The following NOL4 variants were observed in gnomAD, a reference collection of about 807,000 sequenced individuals.
NOL4 encodes the protein cancer/testis antigen 125.
NOL4 carries 17 observed loss-of-function variants against 75.9 expected under a neutral mutation model. That is an observed-to-expected ratio of 0.22 (90% CI 0.15 to 0.34). The LOEUF (loss-of-function observed/expected upper bound fraction) is 0.34. Ranked by LOEUF, NOL4 falls within the 10% of genes least tolerant of loss-of-function variation. The pLI is 1.00. For missense variants in NOL4, 614 were observed against 793.5 expected (o/e 0.77, Z 2.72); for synonymous variants, 292 against 289.9 (o/e 1.01, Z -0.07).
At chr18:33,878,885 C>G (rs1025816221) in intron 10 of NOL4, among the ~76,000 whole-genome samples, 2 of 152,082 alleles carry the variant, frequency 1.3e-5, no homozygotes, top group Admixed American at 1.3e-4. Flanking sequence ...CTTTCACTGA[C>G]ACCCACATAA....
At position 33,991,981 on chromosome 18, in the gene NOL4, A is replaced by C. The variant is rs77500454; in HGVS notation, c.1056+27337T>G. On this transcript the variant is annotated intron_variant, in intron 6 of 10. Coordinates refer to ENST00000261592, the MANE Select transcript of NOL4 (RefSeq NM_003787.5). ...ATCTGCAAATAAAATTAATAAAGTTACAGATTCAGAGGTTAATTCCCCCAT... is the reference window on the plus strand; with the variant it reads ...ATCTGCAAATAAAATTAATAAAGTTCCAGATTCAGAGGTTAATTCCCCCAT... Among the ~76,000 whole-genome samples, 1,229 of 152,170 alleles carry C rather than the reference A, an allele frequency of 8.1e-3. 19 individuals are homozygous for C. The highest frequency in any genetic ancestry group is 0.029 in the African/African-American group (1,189 of 41,558).
At chr18:34,052,047 A>T (rs1168948429) in intron 5 of NOL4, among the ~76,000 whole-genome samples, 1 of 152,040 alleles carries the variant, frequency 6.6e-6, no homozygotes, top group Non-Finnish European at 1.5e-5. Flanking sequence ...GTAAAAATCT[A>T]ATGAGGATTA....
chr18:34,027,623 C>T (rs1600304394), intron 5 of NOL4, among the ~76,000 whole-genome samples: 1 of 152,098 alleles, frequency 6.6e-6, no homozygotes, highest in African/African-American at 2.4e-5. Flanking sequence ...ATTTTCATAG[C>T]CCAAAACTTT....
intron 5 of NOL4, among the ~76,000 whole-genome samples, chr18:34,061,405 A>G (rs941699622): frequency 1.3e-5 from 2 of 152,180 alleles, no homozygotes; most frequent in African/African-American, 4.8e-5. Context: ...CTGTTAATCT[A>G]TTATAATACT....
At chr18:34,135,721 A>G (rs2080864640) in intron 1 of NOL4, among the ~76,000 whole-genome samples, 1 of 122,798 alleles carries the variant, frequency 8.1e-6, no homozygotes, top group Non-Finnish European at 1.7e-5. Context: ...AGCTTTTCAC[A>G]CACAGAAGCA....
chr18:33,914,257 G>C (rs1282673482), intron 9 of NOL4, among the ~76,000 whole-genome samples: 1 of 151,970 alleles, frequency 6.6e-6, no homozygotes, highest in Non-Finnish European at 1.5e-5. Context: ...GCTGGGGTGG[G>C]GATAGCATTC....
At chr18:33,865,418 T>C (rs989222579) in intron 10 of NOL4, among the ~76,000 whole-genome samples, 1 of 152,182 alleles carries the variant, frequency 6.6e-6, no homozygotes, top group Non-Finnish European at 1.5e-5. Context: ...TCGATTTTTT[T>C]CCAGTATTTT....
chr18:33,933,452 C>T (rs1357786863), intron 9 of NOL4, among the ~76,000 whole-genome samples: 2 of 152,120 alleles, frequency 1.3e-5, no homozygotes, highest in Non-Finnish European at 2.9e-5. Context: ...AAATATTTCT[C>T]TAAAGTATAC....
chr18:34,184,286 G>C (rs933098524), intron 1 of NOL4, among the ~76,000 whole-genome samples: 1 of 151,746 alleles, frequency 6.6e-6, no homozygotes, highest in Non-Finnish European at 1.5e-5. Context: ...CATAATAACT[G>C]CATATTATGT....
intron 1 of NOL4, among the ~76,000 whole-genome samples, chr18:34,164,443 G>A (rs2032023919): frequency 6.6e-6 from 1 of 152,120 alleles, no homozygotes; most frequent in East Asian, 1.9e-4. Context: ...GACATGAACA[G>A]ACACTTCTCA....
intron 1 of NOL4, among the ~76,000 whole-genome samples, chr18:34,143,864 CAAAAAAAAAA>C (rs754617814): frequency 1.5e-5 from 1 of 65,950 alleles, no homozygotes; most frequent in Non-Finnish European, 3.1e-5. Flanking sequence ...AACTCCATCT[CAAAAAAAAAA>C]AAAAAAAAAA....
chr18:33,906,222 C>T (rs975903956), intron 9 of NOL4, among the ~76,000 whole-genome samples: 1 of 152,156 alleles, frequency 6.6e-6, no homozygotes, highest in African/African-American at 2.4e-5. Context: ...CATGACCCGA[C>T]CAAGGATGGA....
At chr18:33,912,409 T>C (rs2066464547) in intron 9 of NOL4, among the ~76,000 whole-genome samples, 1 of 152,090 alleles carries the variant, frequency 6.6e-6, no homozygotes, top group Non-Finnish European at 1.5e-5. Context: ...TAATATAATA[T>C]AGTTAGAATC....
intron 1 of NOL4, chr18:34,222,588 C>T (rs574599688): frequency 1.8e-4 from 90 of 487,922 alleles, no homozygotes; most frequent in African/African-American, 1.6e-3. Flanking sequence ...GAGCGTGCGG[C>T]CGGGCTTCCA....
intron 6 of NOL4, among the ~76,000 whole-genome samples, chr18:33,973,746 C>T (rs11876791): frequency 0.014 from 2,134 of 152,264 alleles, 51 homozygotes; most frequent in African/African-American, 0.048. Flanking sequence ...TATTTTGAAA[C>T]GAATCTTTTA....
rs938264643 is a variant in NOL4, at chr18:34,214,889, T to A, written c.264+8101A>T. ...ACATGGATGAATCTTAAAGACATTA[T>A]GCTAGTAAAATGAGTCAGTTATAAA... On this transcript the variant is annotated intron_variant, in intron 1 of 10. Transcript: ENST00000261592. Among the ~76,000 whole-genome samples, 3 of 152,158 alleles carry A rather than the reference T, an allele frequency of 2.0e-5. No homozygotes were observed. In the South Asian group the frequency reaches 6.2e-4, roughly 31 times the overall value.
chr18:34,065,702 C>G (rs980238676), intron 5 of NOL4, among the ~76,000 whole-genome samples: 1 of 151,836 alleles, frequency 6.6e-6, no homozygotes, highest in Non-Finnish European at 1.5e-5. Flanking sequence ...ATAAATCATG[C>G]AAATCTATGT....
rs936421773 is a variant in NOL4 at position 33,852,429 on chromosome 18, T to C, written c.*413A>G. 1 of 146,738 alleles carries C rather than the reference T, an allele frequency of 6.8e-6. No homozygotes were observed. Among genetic ancestry groups the C allele is most frequent in the Non-Finnish European group, 1.5e-5 (1 of 66,038 alleles). The allele number at this position is 146,738 out of a possible 1,614,324, so 9.1% of individuals were successfully genotyped here. On this transcript the variant is annotated 3_prime_UTR_variant, in exon 11 of 11. Transcript: ENST00000261592. The stretch of plus-strand genomic sequence containing the variant: ...TGTAGCAACAAGAAATTTGGCTTTT[T>C]TTTTTCTTTTTTTTTTTTTTGCCAG...
At chr18:33,865,752 T>G (rs1228948391) in intron 10 of NOL4, among the ~76,000 whole-genome samples, 1 of 152,134 alleles carries the variant, frequency 6.6e-6, no homozygotes, top group African/African-American at 2.4e-5. Context: ...TCTTCTGCAG[T>G]CTATGTCAAA....
Sources: allele counts gnomAD v4.1 joint callset (sites outside exome capture counted in the v4.1 genomes callset), GRCh38; gene constraint gnomAD v4.1.1; transcripts MANE v1.5; gene names NCBI Gene and HGNC (gene_info 2026-07-23, HGNC 2026-07-21).